The following CLMP variants were observed in gnomAD, a reference collection of about 807,000 sequenced individuals.
CLMP encodes the protein CXADR like cell adhesion molecule.
Under a neutral mutation model 45.2 loss-of-function variants are expected in CLMP, and 27 were observed. The observed-to-expected ratio is 0.60, with a 90% CI of 0.44 to 0.82. The LOEUF is 0.82. Among genes scored for constraint, CLMP ranks in the 40% least tolerant of loss-of-function variants. The pLI, the probability that CLMP is intolerant of heterozygous loss-of-function variation, is 0.00. For synonymous variants in CLMP, 167 were observed against 171.4 expected, an observed-to-expected ratio of 0.97 and a Z score of 0.20; for missense variants, 403 against 448.4, an observed-to-expected ratio of 0.90 and a Z score of 0.91.
intron 2 of CLMP, 33 bp from the exon 3 acceptor site, chr11:123,084,746 G>GT (rs763332898): frequency 3.8e-6 from 6 of 1,583,890 alleles, no homozygotes; most frequent in East Asian, 4.5e-5. Flanking sequence ...GTCAAGCAGC[G>GT]TAACTCTCAG....
chr11:123,147,208 C>G (rs888610529), intron 1 of CLMP, among the ~76,000 whole-genome samples: 9 of 152,128 alleles, frequency 5.9e-5, no homozygotes, highest in African/African-American at 2.2e-4. Flanking sequence ...CTTGGCTCTC[C>G]AACCTCATCT....
intron 4 of CLMP, 94 bp from the exon 5 acceptor site, chr11:123,083,301 A>G: frequency 2.6e-6 from 3 of 1,165,968 alleles, no homozygotes; most frequent in Non-Finnish European, 3.7e-6. Context: ...AGATTCCGTA[A>G]TGCTATTTGA....
chr11:123,098,701 A>ATTTTTTTTT (rs1156546713), intron 1 of CLMP, among the ~76,000 whole-genome samples: 2 of 112,662 alleles, frequency 1.8e-5, no homozygotes, highest in African/African-American at 3.5e-5. Flanking sequence ...ATCCTGGCTA[A>ATTTTTTTTT]TTTTTTTTTT....
chr11:123,108,590 A>ATGAGGGAAAAGGGAGAAGG lies in CLMP; in HGVS notation c.29-10657_29-10639dup, dbSNP rs1451559139. On this transcript the variant is annotated intron_variant, in intron 1 of 6. Transcript: ENST00000448775. The stretch of plus-strand genomic sequence containing the variant: ...GGGAGGAGAAGGATGGGGAAAGGGA[A>ATGAGGGAAAAGGGAGAAGG]TGAGGGAAAAGGGAGAAGGTGAGGG... Among the ~76,000 whole-genome samples the ATGAGGGAAAAGGGAGAAGG allele has an allele frequency of 1.1e-4, 17 of 151,982 alleles. No individual in the cohort carries two copies. In the South Asian group the frequency reaches 3.5e-3, roughly 32 times the overall value.
intron 1 of CLMP, among the ~76,000 whole-genome samples, chr11:123,185,801 G>A (rs569613587): frequency 1.1e-4 from 16 of 152,342 alleles, no homozygotes; most frequent in African/African-American, 3.1e-4. Flanking sequence ...TGCTGTTCAG[G>A]TCAGTGGGAA....
At position 123,194,457 on chromosome 11, in the gene CLMP, C is replaced by T. The variant is rs1001517305; in HGVS notation, c.28+456G>A. ...TCCTTGGGCCCTGCCCTTTTTCCCT[C>T]TCCCCTTTCCTCTCCAACCCTGCCT... On this transcript the variant is annotated intron_variant, in intron 1 of 6. Transcript: ENST00000448775. Among the ~76,000 whole-genome samples, 8 of 151,910 alleles carry T rather than the reference C, an allele frequency of 5.3e-5. No homozygotes were observed. The South Asian group carries it at 1.5e-3, about 28-fold the overall frequency.
chr11:123,194,124 C>T (rs774156675), intron 1 of CLMP, among the ~76,000 whole-genome samples: 1 of 152,112 alleles, frequency 6.6e-6, no homozygotes, highest in Non-Finnish European at 1.5e-5. Flanking sequence ...CCTGCCTCTG[C>T]CTCAGGGCCT....
chr11:123,180,504 G>A (rs1861754721), intron 1 of CLMP, among the ~76,000 whole-genome samples: 1 of 151,340 alleles, frequency 6.6e-6, no homozygotes, highest in South Asian at 2.1e-4. Flanking sequence ...CCAACCTCCA[G>A]AACTGTGAGG....
intron 2 of CLMP, among the ~76,000 whole-genome samples, chr11:123,095,915 G>A (rs190097648): frequency 7.9e-5 from 12 of 152,268 alleles, no homozygotes; most frequent in South Asian, 6.2e-4. Flanking sequence ...CAGAAAGACC[G>A]CAAGAACCTG....
chr11:123,169,001 A>G (rs2135539291), intron 1 of CLMP, among the ~76,000 whole-genome samples: 1 of 152,282 alleles, frequency 6.6e-6, no homozygotes, highest in Middle Eastern at 3.4e-3. Context: ...TGAATATGAA[A>G]GACCACCATA....
intron 1 of CLMP, among the ~76,000 whole-genome samples, chr11:123,146,372 C>T (rs934608363): frequency 6.6e-6 from 1 of 152,158 alleles, no homozygotes; most frequent in Non-Finnish European, 1.5e-5. Context: ...GTGTCTAGTG[C>T]TTGGCACATG....
At chr11:123,107,534 A>ATTTTTT (rs370750162) in intron 1 of CLMP, among the ~76,000 whole-genome samples, 3 of 123,410 alleles carry the variant, frequency 2.4e-5, no homozygotes, top group Non-Finnish European at 5.0e-5. Context: ...CCTGACCTAA[A>ATTTTTT]TTTTTTTTTT....
At chr11:123,075,429 C>T (rs375219867) in intron 5 of CLMP, among the ~76,000 whole-genome samples, 3 of 152,082 alleles carry the variant, frequency 2.0e-5, no homozygotes, top group African/African-American at 7.2e-5. Context: ...CTGTGTCCCC[C>T]AGACTGGAGT....
chr11:123,084,318 T>C (rs909782036), intron 3 of CLMP, among the ~76,000 whole-genome samples, 194 bp downstream of exon 3: 1 of 152,218 alleles, frequency 6.6e-6, no homozygotes, highest in Admixed American at 6.5e-5. Flanking sequence ...AAATTGCTCT[T>C]ATATTTTCAT....
chr11:123,102,707 CTTTTTTT>C (rs34392557), intron 1 of CLMP, among the ~76,000 whole-genome samples: 1 of 93,290 alleles, frequency 1.1e-5, no homozygotes, highest in African/African-American at 4.9e-5. Flanking sequence ...TCCCGAGTAG[CTTTTTTT>C]TTTTTTTTTT....
At chr11:123,115,947 GGTT>G (rs1860713914) in intron 1 of CLMP, among the ~76,000 whole-genome samples, 1 of 152,034 alleles carries the variant, frequency 6.6e-6, no homozygotes, top group South Asian at 2.1e-4. Context: ...TGTTGGATGG[GGTT>G]GTAGTCTCAT....
At chr11:123,083,575 C>G (rs1192408209) in intron 4 of CLMP, 105 bp downstream of exon 4, 14 of 1,138,684 alleles carry the variant, frequency 1.2e-5, no homozygotes, top group Non-Finnish European at 1.7e-5. Context: ...GGAGGTTCAG[C>G]AGGGTATTTC....
chr11:123,114,437 T>TCCCC (rs1860691516), intron 1 of CLMP, among the ~76,000 whole-genome samples: 2 of 63,834 alleles, frequency 3.1e-5, no homozygotes, highest in African/African-American at 5.8e-5. Flanking sequence ...CCTCCCTCCC[T>TCCCC]CCCTCCCTCC....
intron 1 of CLMP, among the ~76,000 whole-genome samples, chr11:123,099,894 A>G (rs1866034896): frequency 6.6e-6 from 1 of 152,194 alleles, no homozygotes; most frequent in East Asian, 1.9e-4. Context: ...GCACAGGAAA[A>G]GGGAAATATT....
Sources: gnomAD v4.1 joint callset for allele counts (sites outside exome capture counted in the v4.1 genomes callset) on GRCh38, gnomAD v4.1.1 for gene constraint, MANE v1.5 for transcripts, NCBI Gene and HGNC (gene_info 2026-07-23, HGNC 2026-07-21) for gene names.